Variants in AGTPBP1 observed in about 807,000 individuals in gnomAD.
AGTPBP1 encodes ATP/GTP binding carboxypeptidase 1, also known as cytosolic carboxypeptidase 1.
Under a neutral mutation model 143.9 loss-of-function variants are expected in AGTPBP1, and 70 were observed. The ratio of observed to expected loss-of-function variants is 0.49; its 90% CI spans 0.40 to 0.59. The LOEUF is 0.59. Ranked by LOEUF, AGTPBP1 falls within the 20% of genes least tolerant of loss-of-function variation. AGTPBP1 has a pLI of 0.00. For missense variants in AGTPBP1, 1,229 were observed against 1,464.5 expected (o/e 0.84, Z 2.62); for synonymous variants, 463 against 500.2 (o/e 0.93, Z 0.99).
chr9:85,567,083 A>G (rs757568595), intron 25 of AGTPBP1, among the ~76,000 whole-genome samples: 15 of 152,156 alleles, frequency 9.9e-5, no homozygotes, highest in Non-Finnish European at 4.4e-5. Flanking sequence ...GGCCAGGTAG[A>G]AAGAATCACA....
chr9:85,603,109 G>A (rs1244992082), intron 17 of AGTPBP1, among the ~76,000 whole-genome samples: 6 of 152,152 alleles, frequency 3.9e-5, no homozygotes, highest in Non-Finnish European at 5.9e-5. Flanking sequence ...TTCTGGACAA[G>A]TCCTGGTGCT....
At chr9:85,692,870 C>T in intron 2 of AGTPBP1, 57 bp from the exon 3 acceptor site, 2 of 1,557,924 alleles carry the variant, frequency 1.3e-6, no homozygotes, top group Non-Finnish European at 1.7e-6. Flanking sequence ...AAATTCAATA[C>T]TATAACGATC....
intron 1 of AGTPBP1, among the ~76,000 whole-genome samples, chr9:85,737,749 C>T (rs1459386878): frequency 6.6e-6 from 1 of 152,172 alleles, no homozygotes; most frequent in Non-Finnish European, 1.5e-5. Context: ...CAAAAATCCA[C>T]TTACTGGATT....
chr9:85,731,577 A>G (rs1279456593), intron 1 of AGTPBP1, among the ~76,000 whole-genome samples: 1 of 152,082 alleles, frequency 6.6e-6, no homozygotes, highest in Admixed American at 6.6e-5. Context: ...CTTCTGCCTC[A>G]GCTGGGACCA....
At chr9:85,600,560 G>T (rs116951065) in intron 17 of AGTPBP1, among the ~76,000 whole-genome samples, 11 of 152,154 alleles carry the variant, frequency 7.2e-5, no homozygotes, top group Admixed American at 2.6e-4. Flanking sequence ...TTGGCCAGGA[G>T]ACCAGGGAGG....
intron 25 of AGTPBP1, among the ~76,000 whole-genome samples, chr9:85,556,147 C>T (rs181407225): frequency 1.3e-4 from 20 of 151,910 alleles, no homozygotes; most frequent in African/African-American, 4.6e-4. Flanking sequence ...TTAAAAAATA[C>T]TACTAATAAA....
chr9:85,701,897 T>G (rs909732242), intron 2 of AGTPBP1, among the ~76,000 whole-genome samples: 1 of 152,230 alleles, frequency 6.6e-6, no homozygotes, highest in Non-Finnish European at 1.5e-5. Context: ...TATTCTCAAA[T>G]GCCTGTTTTT....
Position 85,552,979 on chromosome 9 carries a change from T to A in AGTPBP1, c.3504-5693A>T, listed in dbSNP as rs1826120977. ...TTGTATTGAAATGTCAGATTTAGGG[T>A]GAAAGAAAATCTTTCTATTTGTACA... On this transcript the variant is annotated intron_variant, in intron 25 of 25. Coordinates refer to ENST00000357081, the MANE Select transcript of AGTPBP1 (RefSeq NM_001330701.2). Among the ~76,000 whole-genome samples, 4 of 152,232 alleles carry A rather than the reference T, an allele frequency of 2.6e-5. No homozygotes were observed. The South Asian group carries it at 8.3e-4, about 31-fold the overall frequency.
At chr9:85,734,084 T>C (rs1351462778) in intron 1 of AGTPBP1, among the ~76,000 whole-genome samples, 3 of 152,086 alleles carry the variant, frequency 2.0e-5, no homozygotes, top group African/African-American at 7.2e-5. Flanking sequence ...AAACCCTGTC[T>C]CTACTAAAAA....
At chr9:85,643,997 T>C (rs1832656022) in intron 12 of AGTPBP1, among the ~76,000 whole-genome samples, 1 of 152,196 alleles carries the variant, frequency 6.6e-6, no homozygotes, top group Non-Finnish European at 1.5e-5. Flanking sequence ...TATTTTACTA[T>C]GCTTCAATCC....
rs540790554 is a variant in AGTPBP1, at chr9:85,723,663, G to A, written c.-33-11097C>T. The stretch of plus-strand genomic sequence containing the variant: ...CCTTGCGCTTCCCAGGTGAGGCGCT[G>A]CTTCAGCTTGCCCTCCGTGGGCTGC... On this transcript the variant is annotated intron_variant, in intron 1 of 25. Coordinates refer to ENST00000357081, the MANE Select transcript of AGTPBP1 (RefSeq NM_001330701.2). Among the ~76,000 whole-genome samples, 48 of 152,296 alleles carry A rather than the reference G, an allele frequency of 3.2e-4. 1 individual carries two copies. The highest frequency in any genetic ancestry group is 5.9e-4 in the Non-Finnish European group (40 of 68,020).
the AGTPBP1 span, among the ~76,000 whole-genome samples, chr9:85,754,214 T>G: frequency 6.6e-6 from 1 of 152,172 alleles, no homozygotes; most frequent in African/African-American, 2.4e-5. Context: ...TTGTTTGAGA[T>G]GGAGTCTCGC....
intron 13 of AGTPBP1, among the ~76,000 whole-genome samples, chr9:85,641,267 C>T (rs1000292636): frequency 1.3e-5 from 2 of 152,158 alleles, no homozygotes; most frequent in Non-Finnish European, 2.9e-5. Flanking sequence ...ACACAATAAT[C>T]GATTTCCTCC....
chr9:85,711,042 T>C (rs1415962529), intron 2 of AGTPBP1, among the ~76,000 whole-genome samples: 22 of 152,216 alleles, frequency 1.4e-4, no homozygotes, highest in Admixed American at 1.4e-3. Context: ...ATCTAAACAG[T>C]GTGTATACTA....
chr9:85,641,510 C>G (rs894089672), intron 13 of AGTPBP1, among the ~76,000 whole-genome samples: 1 of 151,786 alleles, frequency 6.6e-6, no homozygotes, highest in Non-Finnish European at 1.5e-5. Context: ...CTTCTATTAC[C>G]CCGATTTCAA....
At chr9:85,704,855 A>G (rs1388234418) in intron 2 of AGTPBP1, among the ~76,000 whole-genome samples, 1 of 152,226 alleles carries the variant, frequency 6.6e-6, no homozygotes, top group East Asian at 1.9e-4. Context: ...GTGCAAAACT[A>G]GTCACTTAAA....
At chr9:85,663,885 C>T (rs980877610) in intron 8 of AGTPBP1, among the ~76,000 whole-genome samples, 1 of 151,862 alleles carries the variant, frequency 6.6e-6, no homozygotes, top group Non-Finnish European at 1.5e-5. Context: ...TTGTAACAGT[C>T]AAAAACTAAA....
the AGTPBP1 span, among the ~76,000 whole-genome samples, chr9:85,771,378 A>C: frequency 6.6e-6 from 1 of 152,188 alleles, no homozygotes; most frequent in Non-Finnish European, 1.5e-5. Context: ...TGGGAGGCTG[A>C]GGCAGGAGGA....
At chr9:85,653,498 CTAAA>C (rs1833301422) in intron 11 of AGTPBP1, among the ~76,000 whole-genome samples, 1 of 152,156 alleles carries the variant, frequency 6.6e-6, no homozygotes, top group African/African-American at 2.4e-5. Context: ...AATCCAGACA[CTAAA>C]TAAAGAACTT....
Sources: allele counts gnomAD v4.1 joint callset (sites outside exome capture counted in the v4.1 genomes callset), GRCh38; gene constraint gnomAD v4.1.1; transcripts MANE v1.5; gene names NCBI Gene and HGNC (gene_info 2026-07-23, HGNC 2026-07-21).